The following ABLIM1 variants were observed in gnomAD, a reference collection of about 807,000 sequenced individuals.
ABLIM1 encodes actin binding LIM protein 1, also known as actin-binding LIM protein 1.
ABLIM1 carries 40 observed loss-of-function variants against 107.0 expected under a neutral mutation model. The observed-to-expected ratio is 0.37, with a 90% confidence interval of 0.29 to 0.49. ABLIM1 has a LOEUF of 0.49. ABLIM1 is among the 20% of genes least tolerant of loss of function. ABLIM1 has a pLI of 0.97. For missense variants in ABLIM1, 857 were observed against 1,008.5 expected (o/e 0.85, Z 2.04); for synonymous variants, 357 against 357.3 (o/e 1.00, Z 0.01).
chr10:114,440,067 C>CA lies in ABLIM1; in HGVS notation c.2067+14dup, dbSNP rs1339900391. The CA allele has an allele frequency of 2.5e-6, 4 of 1,613,674 alleles. No individual in the cohort carries two copies. The highest frequency in any genetic ancestry group is 2.2e-5 in the East Asian group (1 of 44,900). The stretch of plus-strand genomic sequence containing the variant: ...ATCGGTGTGGCCAATTCAAGAAAGA[C>CA]AAAGTGTTCCATACCTGGTAATCTG... On this transcript the variant is annotated intron_variant, in intron 20 of 22. Transcript: ENST00000533213.
At chr10:114,442,660 T>G (rs1222402665) in intron 17 of ABLIM1, among the ~76,000 whole-genome samples, 1 of 142,408 alleles carries the variant, frequency 7.0e-6, no homozygotes, top group Non-Finnish European at 1.5e-5. Context: ...TAAATCCTAG[T>G]CTTGCTAGTT....
chr10:114,789,188 G>A, the ABLIM1 span, among the ~76,000 whole-genome samples: 1 of 151,964 alleles, frequency 6.6e-6, no homozygotes, highest in South Asian at 2.1e-4. Context: ...CTGGGAGATG[G>A]AGGTTGCAGT....
At chr10:114,643,562 C>G (rs1258783372) in intron 1 of ABLIM1, among the ~76,000 whole-genome samples, 3 of 150,984 alleles carry the variant, frequency 2.0e-5, no homozygotes, top group Non-Finnish European at 4.4e-5. Context: ...TAACTTTTTA[C>G]TGATTATATC....
chr10:114,544,857 A>T, intron 6 of ABLIM1, 148 bp downstream of exon 6: 1 of 721,074 alleles, frequency 1.4e-6, no homozygotes, highest in African/African-American at 1.8e-5. Flanking sequence ...GCAGCACCTT[A>T]ATTCTTGAAA....
upstream of ABLIM1, among the ~76,000 whole-genome samples, chr10:114,768,347 C>A (rs1056542196): frequency 3.4e-5 from 5 of 149,154 alleles, no homozygotes; most frequent in African/African-American, 4.9e-5. Flanking sequence ...CGGGGCCCAC[C>A]CGGGTCCAGC....
upstream of ABLIM1, chr10:114,658,351 AC>A: frequency 1.4e-6 from 2 of 1,410,014 alleles, no homozygotes; most frequent in Non-Finnish European, 1.9e-6. Context: ...TTAAGTGATT[AC>A]CCTCAAGAGC....
chr10:114,765,756 C>G (rs1292403055), intron 1 of ABLIM1, among the ~76,000 whole-genome samples: 3 of 152,006 alleles, frequency 2.0e-5, no homozygotes, highest in African/African-American at 7.2e-5. Flanking sequence ...AATCCTCAGT[C>G]TTTGGTAATG....
rs573929588 is a variant in ABLIM1, at chr10:114,432,670, G to A, written c.*3590C>T. ...TTGATATACTGGATTGGGATGGAGA[G>A]GATGAGAACTGAAAAAGAACTGCTC... is the stretch of plus-strand genomic sequence containing the variant. On this transcript the variant is annotated 3_prime_UTR_variant, in exon 23 of 23. Transcript: ENST00000533213. 3 of 152,266 alleles carry A rather than the reference G, an allele frequency of 2.0e-5. No homozygotes were observed. The East Asian group carries it at 5.8e-4, about 29-fold the overall frequency. The allele number at this position is 152,266 out of a possible 1,614,324, so 9.4% of individuals were successfully genotyped here. A position where few individuals can be genotyped will look rare whatever the true frequency, so the allele number is the denominator to read the frequency against.
At chr10:114,455,834 A>G (rs1181377018) in intron 12 of ABLIM1, among the ~76,000 whole-genome samples, 1 of 142,896 alleles carries the variant, frequency 7.0e-6, no homozygotes, top group Non-Finnish European at 1.5e-5. Context: ...TTTTTTTGAG[A>G]CGGAGTCTCG....
chr10:114,570,305 C>T (rs1313793298), intron 4 of ABLIM1, among the ~76,000 whole-genome samples: 1 of 152,146 alleles, frequency 6.6e-6, no homozygotes, highest in Non-Finnish European at 1.5e-5. Flanking sequence ...AGAAATGGTG[C>T]AATTGGCCAC....
At chr10:114,776,423 C>T in the ABLIM1 span, among the ~76,000 whole-genome samples, 1 of 151,598 alleles carries the variant, frequency 6.6e-6, no homozygotes, top group East Asian at 1.9e-4. Context: ...GACCAGCCTG[C>T]CCAACTTGGT....
chr10:114,769,812 A>G (rs541074896), upstream of ABLIM1, among the ~76,000 whole-genome samples: 1 of 152,318 alleles, frequency 6.6e-6, no homozygotes, highest in Admixed American at 6.5e-5. Context: ...TTGTAATGGG[A>G]ATAGAAATTC....
At chr10:114,594,212 G>C (rs1479258769) in intron 2 of ABLIM1, among the ~76,000 whole-genome samples, 1 of 152,220 alleles carries the variant, frequency 6.6e-6, no homozygotes, top group Non-Finnish European at 1.5e-5. Flanking sequence ...GCCCAGATGA[G>C]AAAGCTAAGG....
chr10:114,729,611 T>G (rs904612674), intron 1 of ABLIM1, among the ~76,000 whole-genome samples: 1 of 152,104 alleles, frequency 6.6e-6, no homozygotes, highest in Admixed American at 6.5e-5. Flanking sequence ...GAATGGAATC[T>G]GGACACAAAT....
intron 1 of ABLIM1, among the ~76,000 whole-genome samples, chr10:114,760,136 TCTGGATG>T (rs1304286715): frequency 2.0e-5 from 3 of 151,912 alleles, no homozygotes; most frequent in African/African-American, 7.3e-5. Flanking sequence ...TTGAAATTAG[TCTGGATG>T]CTGCAGGAGA....
intron 1 of ABLIM1, among the ~76,000 whole-genome samples, chr10:114,638,803 C>T (rs984414640): frequency 6.6e-6 from 1 of 152,188 alleles, no homozygotes; most frequent in African/African-American, 2.4e-5. Context: ...TATCCTTCAT[C>T]GGTTCTTGGA....
chr10:114,801,027 TACAA>T, the ABLIM1 span, among the ~76,000 whole-genome samples: 1 of 152,210 alleles, frequency 6.6e-6, no homozygotes, highest in Non-Finnish European at 1.5e-5. Flanking sequence ...TTACCAATAA[TACAA>T]ACAGTTGATT....
intron 8 of ABLIM1, among the ~76,000 whole-genome samples, chr10:114,475,830 G>GA (rs2056284750): frequency 6.6e-6 from 1 of 152,192 alleles, no homozygotes; most frequent in Non-Finnish European, 1.5e-5. Flanking sequence ...GCTCTGCAGA[G>GA]AAAACTCAAG....
At chr10:114,637,995 C>A (rs1486317400) in intron 1 of ABLIM1, among the ~76,000 whole-genome samples, 1 of 152,192 alleles carries the variant, frequency 6.6e-6, no homozygotes, top group Admixed American at 6.5e-5. Flanking sequence ...ACACTCCCCT[C>A]TTTCTGGTAC....
Sources: gnomAD v4.1 joint callset for allele counts (sites outside exome capture counted in the v4.1 genomes callset) on GRCh38, gnomAD v4.1.1 for gene constraint, MANE v1.5 for transcripts, NCBI Gene and HGNC (gene_info 2026-07-23, HGNC 2026-07-21) for gene names.